The following GPC6 variants were observed in gnomAD, a reference collection of about 807,000 sequenced individuals.
GPC6 encodes the protein glypican-6.
Under a neutral mutation model 55.2 loss-of-function variants are expected in GPC6, and 14 were observed. The observed-to-expected ratio is 0.25, with a 90% CI of 0.17 to 0.40. The LOEUF is 0.40. GPC6 is among the 10% of genes least tolerant of loss of function. GPC6 has a pLI of 1.00. For missense variants in GPC6, 641 were observed against 708.5 expected (o/e 0.90, Z 1.08); for synonymous variants, 278 against 259.6 (o/e 1.07, Z -0.68).
At chr13:93,750,488 A>G (rs1418338228) in intron 2 of GPC6, among the ~76,000 whole-genome samples, 1 of 152,180 alleles carries the variant, frequency 6.6e-6, no homozygotes, top group Admixed American at 6.6e-5. Flanking sequence ...TCAAGGATAA[A>G]AGTTACTTTA....
chr13:93,747,541 C>A (rs1884437860), intron 2 of GPC6, among the ~76,000 whole-genome samples: 1 of 152,304 alleles, frequency 6.6e-6, no homozygotes, highest in East Asian at 1.9e-4. Flanking sequence ...TAGTTCAATT[C>A]CTCAAATGTT....
intron 6 of GPC6, among the ~76,000 whole-genome samples, chr13:94,359,565 G>A (rs1047835076): frequency 1.3e-5 from 2 of 152,058 alleles, no homozygotes; most frequent in African/African-American, 4.8e-5. Context: ...AAAACATAAG[G>A]CTCGTCAAAG....
chr13:93,655,873 T>C (rs1043141148), intron 2 of GPC6, among the ~76,000 whole-genome samples: 3 of 152,180 alleles, frequency 2.0e-5, no homozygotes, highest in Admixed American at 6.6e-5. Flanking sequence ...ATGATGGTCT[T>C]GTAGTAGGAG....
intron 1 of GPC6, among the ~76,000 whole-genome samples, chr13:93,239,812 G>T (rs1466357033): frequency 6.6e-6 from 1 of 151,870 alleles, no homozygotes; most frequent in Non-Finnish European, 1.5e-5. Context: ...GTATCCCAGA[G>T]ATTTTGATAA....
chr13:93,432,114 A>T (rs77321325), intron 1 of GPC6, among the ~76,000 whole-genome samples: 1 of 152,158 alleles, frequency 6.6e-6, no homozygotes, highest in Non-Finnish European at 1.5e-5. Flanking sequence ...AATGGGACAG[A>T]AGTTGTTTTT....
chr13:94,391,322 G>A (rs1381656951), intron 7 of GPC6, among the ~76,000 whole-genome samples: 1 of 152,144 alleles, frequency 6.6e-6, no homozygotes, highest in East Asian at 1.9e-4. Flanking sequence ...CATTAAAATT[G>A]CATAATTATA....
chr13:93,691,284 A>C (rs1882245873), intron 2 of GPC6, among the ~76,000 whole-genome samples: 1 of 152,152 alleles, frequency 6.6e-6, no homozygotes, highest in Non-Finnish European at 1.5e-5. Flanking sequence ...AATGTAGAGA[A>C]GTGATCTACC....
intron 3 of GPC6, among the ~76,000 whole-genome samples, chr13:93,927,058 C>T (rs1731773504): frequency 6.6e-6 from 1 of 152,128 alleles, no homozygotes; most frequent in African/African-American, 2.4e-5. Flanking sequence ...GCAAAATATT[C>T]TGTCCACAGC....
chr13:93,235,180 A>G (rs1047790199), intron 1 of GPC6, among the ~76,000 whole-genome samples: 2 of 152,200 alleles, frequency 1.3e-5, no homozygotes, highest in African/African-American at 2.4e-5. Context: ...TTGAAGCTGA[A>G]AGGAGGAGGC....
At chr13:93,924,007 A>AT (rs1877716186) in intron 3 of GPC6, among the ~76,000 whole-genome samples, 1 of 152,112 alleles carries the variant, frequency 6.6e-6, no homozygotes, top group Admixed American at 6.6e-5. Context: ...TAGCTTGTGA[A>AT]TCCACACAAA....
At chr13:93,513,693 G>T (rs1484028093) in intron 1 of GPC6, among the ~76,000 whole-genome samples, 1 of 152,100 alleles carries the variant, frequency 6.6e-6, no homozygotes, top group Non-Finnish European at 1.5e-5. Flanking sequence ...GCTATTGCAC[G>T]ATTGCACGAT....
intron 3 of GPC6, among the ~76,000 whole-genome samples, chr13:93,915,029 T>G (rs1421164404): frequency 6.6e-6 from 1 of 152,210 alleles, no homozygotes; most frequent in Admixed American, 6.5e-5. Context: ...TGTCACAAAC[T>G]GAAATAATCT....
intron 6 of GPC6, among the ~76,000 whole-genome samples, chr13:94,353,971 T>A (rs1043832244): frequency 2.6e-5 from 4 of 152,134 alleles, no homozygotes; most frequent in African/African-American, 9.7e-5. Context: ...GCATAAAATA[T>A]GCTTTCTTTC....
At chr13:94,392,648 CG>C (rs1880703661) in intron 7 of GPC6, among the ~76,000 whole-genome samples, 3 of 149,676 alleles carry the variant, frequency 2.0e-5, no homozygotes, top group Non-Finnish European at 3.0e-5. Flanking sequence ...AGGCTGGTCT[CG>C]AACTCTCGAC....
chr13:94,325,754 C>A (rs934875661), intron 6 of GPC6, among the ~76,000 whole-genome samples: 3 of 152,176 alleles, frequency 2.0e-5, no homozygotes, highest in Non-Finnish European at 4.4e-5. Context: ...TCCTTCCCAA[C>A]CCTTTTGATC....
intron 1 of GPC6, among the ~76,000 whole-genome samples, chr13:93,351,182 C>T (rs1001281991): frequency 6.6e-6 from 1 of 152,026 alleles, no homozygotes; most frequent in African/African-American, 2.4e-5. Flanking sequence ...GTCTGATAAA[C>T]AAGAAACAGC....
At chr13:93,422,357 T>C (rs1477194262) in intron 1 of GPC6, among the ~76,000 whole-genome samples, 1 of 152,206 alleles carries the variant, frequency 6.6e-6, no homozygotes, top group African/African-American at 2.4e-5. Context: ...AAAGTATAGT[T>C]TGCCTTTAAA....
At chr13:93,816,111 A>T (rs1886839723) in intron 2 of GPC6, among the ~76,000 whole-genome samples, 1 of 152,208 alleles carries the variant, frequency 6.6e-6, no homozygotes, top group Admixed American at 6.5e-5. Flanking sequence ...CAATTCATAC[A>T]GTCATTTAAA....
chr13:94,013,172 T>C (rs1882313820), intron 3 of GPC6, among the ~76,000 whole-genome samples: 1 of 152,056 alleles, frequency 6.6e-6, no homozygotes, highest in South Asian at 2.1e-4. Context: ...AACTATTTTA[T>C]TCTAATGAAT....
Sources: allele counts gnomAD v4.1 joint callset (sites outside exome capture counted in the v4.1 genomes callset), GRCh38; gene constraint gnomAD v4.1.1; transcripts MANE v1.5; gene names NCBI Gene and HGNC (gene_info 2026-07-23, HGNC 2026-07-21).